ZNF738: variants seen among roughly 807,000 people sequenced by gnomAD.
The protein encoded by ZNF738 is protein ZNF738.
In ZNF738, 10 loss-of-function variants were observed where a neutral mutation model predicts 9.2. The observed-to-expected ratio is 1.09, with a 90% confidence interval of 0.67 to 1.85. The LOEUF (loss-of-function observed/expected upper bound fraction) is 1.85, where lower values mean the gene tolerates loss of function less well. Ranked by LOEUF, ZNF738 falls within the 40% of genes most tolerant of loss-of-function variation. The pLI, the probability that ZNF738 is intolerant of heterozygous loss-of-function variation, is 0.00. For missense variants in ZNF738, 346 were observed against 283.6 expected (o/e 1.22, Z -1.58); for synonymous variants, 113 against 94.5 (o/e 1.20, Z -1.14).
At position 21,383,169 on chromosome 19, in the gene ZNF738, A is replaced by T; in HGVS notation, c.623A>T (p.Lys208Ile). 6.2e-7 allele frequency: 1 copy of T among 1,600,536 alleles called. No homozygotes were observed. The highest frequency in any genetic ancestry group is 8.6e-7 in the Non-Finnish European group (1 of 1,169,034). ...GGAAAGAAACCTTTCAAATGTAAAAAATGTGGCAAATCATTTTGCATGCTT... is the reference window on the plus strand; with the variant it reads ...GGAAAGAAACCTTTCAAATGTAAAATATGTGGCAAATCATTTTGCATGCTT... ...HTGKKPFKCK[K>I]CGKSFCMLLH... is the part of the protein sequence containing the mutation. The change falls in exon 5 of 5, where the codon AAA (lysine) becomes ATA (isoleucine). Residue 208 changes from lysine (K) to isoleucine (I), a missense_variant. Physicochemically the swap from Lys to Ile is moderately radical, Grantham distance 102. Coordinates refer to ENST00000683779, the MANE Select transcript of ZNF738 (RefSeq NM_001355237.2).
chr19:21,360,908 G>A (rs1287178646), intron 1 of ZNF738, among the ~76,000 whole-genome samples: 4 of 150,428 alleles, frequency 2.7e-5, no homozygotes, highest in Admixed American at 6.6e-5. Context: ...CTCCGCCTCC[G>A]GGTTCACGAG....
At chr19:21,367,417 G>A (rs887877230) in intron 2 of ZNF738, among the ~76,000 whole-genome samples, 1 of 152,144 alleles carries the variant, frequency 6.6e-6, no homozygotes, top group African/African-American at 2.4e-5. Flanking sequence ...ACTGGCATCT[G>A]CAGTGAGGAC....
chr19:21,382,737 A>C (rs1373276429), intron 4 of ZNF738, 129 bp from the exon 5 acceptor site: 1 of 180,786 alleles, frequency 5.5e-6, no homozygotes, highest in Non-Finnish European at 1.2e-5. Context: ...TCTATAAAAA[A>C]TTAGGGCCTT....
rs1974091386 is a variant in ZNF738 at position 21,388,293 on chromosome 19, CT to C, written c.*4621del. On this transcript the variant is annotated 3_prime_UTR_variant, in exon 5 of 5. Coordinates refer to ENST00000683779, the MANE Select transcript of ZNF738 (RefSeq NM_001355237.2). ...TCTGGTGTTTCTTCATTCTTATTCA[CT>C]TGTGAAAGCATGTGATAATTGTTGC... Among the ~76,000 whole-genome samples, 1 of 152,100 alleles carries C rather than the reference CT, an allele frequency of 6.6e-6. No individual in the cohort carries two copies. The highest frequency in any genetic ancestry group is 2.4e-5 in the African/African-American group (1 of 41,418).
chr19:21,371,177 T>C (rs567829198), intron 2 of ZNF738, among the ~76,000 whole-genome samples: 1 of 152,280 alleles, frequency 6.6e-6, no homozygotes, highest in South Asian at 2.1e-4. Context: ...ACCCAAAAGC[T>C]AGCAAAAATC....
At chr19:21,359,575 A>G (rs1973654893) in intron 1 of ZNF738, among the ~76,000 whole-genome samples, 1 of 152,198 alleles carries the variant, frequency 6.6e-6, no homozygotes, top group South Asian at 2.1e-4. Flanking sequence ...TATTAAAAGA[A>G]TTTAATCAAA....
chr19:21,363,597 T>C (rs1973729983), intron 2 of ZNF738, among the ~76,000 whole-genome samples: 2 of 152,136 alleles, frequency 1.3e-5, no homozygotes, highest in African/African-American at 2.4e-5. Flanking sequence ...TTAAAAAATT[T>C]GAATTCTAGA....
chr19:21,360,310 G>GGTC (rs1973665803), intron 1 of ZNF738, among the ~76,000 whole-genome samples: 1 of 152,088 alleles, frequency 6.6e-6, no homozygotes, highest in African/African-American at 2.4e-5. Context: ...TCCCAATCAG[G>GGTC]GTCTTAAGTC....
chr19:21,381,696 C>T lies in ZNF738; in HGVS notation c.320-1170C>T, dbSNP rs58140656. The T allele has an allele frequency of 7.2e-3, 2,607 of 361,018 alleles. 29 individuals carry two copies. The highest frequency in any genetic ancestry group is 0.047 in the East Asian group (758 of 16,030). 22.4% of individuals were successfully genotyped at this position (361,018 alleles called of 1,614,324 possible). A position where few individuals can be genotyped will look rare whatever the true frequency, so the allele number is the denominator to read the frequency against. On this transcript the variant is annotated intron_variant, in intron 4 of 4. Transcript: ENST00000683779. ...TTTTAGTAGAGATGGGGTTTCACTG[C>T]GTTAGCCAGGATGGTCTCGATCTCC...
At chr19:21,364,738 CTTTCTTTT>C (rs1416607360) in intron 2 of ZNF738, among the ~76,000 whole-genome samples, 3 of 86,162 alleles carry the variant, frequency 3.5e-5, no homozygotes, top group South Asian at 9.6e-4. Flanking sequence ...TTTTATGGTT[CTTTCTTTT>C]TTTTTTTTTT....
At chr19:21,364,980 C>A (rs561528616) in intron 2 of ZNF738, among the ~76,000 whole-genome samples, 4 of 145,196 alleles carry the variant, frequency 2.8e-5, no homozygotes, top group African/African-American at 7.7e-5. Context: ...GGATGGTCTC[C>A]ATCTCTTGAC....
At chr19:21,375,402 T>A in intron 3 of ZNF738, 38 bp downstream of exon 3, 1 of 625,498 alleles carries the variant, frequency 1.6e-6, no homozygotes, top group Non-Finnish European at 2.9e-6. Flanking sequence ...TTATATACAC[T>A]AAAGGTTTCA....
At chr19:21,378,588 T>C in intron 4 of ZNF738, 1 of 373,250 alleles carries the variant, frequency 2.7e-6, no homozygotes, top group Non-Finnish European at 5.6e-6. Context: ...CATAAGAGTA[T>C]TCTTGCAAAT....
chr19:21,383,864 C>T lies in ZNF738; in HGVS notation c.*190C>T. 1 of 1,371,018 alleles carries T rather than the reference C, an allele frequency of 7.3e-7. No individual in the cohort carries two copies. The highest frequency in any genetic ancestry group is 1.0e-6 in the Non-Finnish European group (1 of 966,008). The allele number at this position is 1,371,018 out of a possible 1,614,324, so 84.9% of individuals were successfully genotyped here. A position where few individuals can be genotyped will look rare whatever the true frequency, so the allele number is the denominator to read the frequency against. ...AATGTGGCAAAGCTTTCTTCAGATT[C>T]TCATACCTTACTACACATAAGATAA... On this transcript the variant is annotated 3_prime_UTR_variant, in exon 5 of 5. Transcript: ENST00000683779.
chr19:21,372,358 C>G (rs1973867682), intron 2 of ZNF738: 1 of 152,138 alleles, frequency 6.6e-6, no homozygotes, highest in African/African-American at 2.4e-5. Context: ...ATCAGATTCA[C>G]CATTTTTGGA....
At chr19:21,374,455 A>G (rs568209202) in intron 2 of ZNF738, among the ~76,000 whole-genome samples, 9 of 152,356 alleles carry the variant, frequency 5.9e-5, no homozygotes, top group East Asian at 1.9e-4. Flanking sequence ...GCGTCAGCAC[A>G]TCACAAAAAT....
At chr19:21,359,230 C>T (rs1391364106) in intron 1 of ZNF738, 87 bp downstream of exon 1, 2 of 888,164 alleles carry the variant, frequency 2.3e-6, no homozygotes, top group South Asian at 1.3e-5. Flanking sequence ...TCAGGCCTCC[C>T]CGCAGTCAGC....
intron 3 of ZNF738, 55 bp from the exon 4 acceptor site, chr19:21,375,810 ATAGG>A (rs1322217068): frequency 9.4e-6 from 7 of 745,016 alleles, no homozygotes; most frequent in Admixed American, 1.8e-5. Flanking sequence ...AAGCACAGTA[ATAGG>A]TAGGTAATTA....
chr19:21,359,199 G>A, intron 1 of ZNF738, 56 bp downstream of exon 1: 1 of 1,037,618 alleles, frequency 9.6e-7, no homozygotes, highest in Non-Finnish European at 1.5e-6. Flanking sequence ...TGGAACCGGT[G>A]GGAAGTGGCT....
Sources: allele counts gnomAD v4.1 joint callset (sites outside exome capture counted in the v4.1 genomes callset), GRCh38; gene constraint gnomAD v4.1.1; transcripts MANE v1.5; gene names NCBI Gene and HGNC (gene_info 2026-07-23, HGNC 2026-07-21).